EPB41: variants seen among roughly 807,000 people sequenced by gnomAD.
EPB41 encodes erythrocyte membrane protein band 4.1, also known as protein 4.1.
Under a neutral mutation model 108.0 loss-of-function variants are expected in EPB41, and 65 were observed. That is an observed-to-expected ratio of 0.60 (90% CI 0.49 to 0.74). The LOEUF (loss-of-function observed/expected upper bound fraction) is 0.74, where lower values mean the gene tolerates loss of function less well. Ranked by LOEUF, EPB41 falls within the 30% of genes least tolerant of loss-of-function variation. The pLI, the probability that EPB41 is intolerant of heterozygous loss-of-function variation, is 0.00. For synonymous variants in EPB41, 336 were observed against 358.9 expected (o/e 0.94, Z 0.72); for missense variants, 875 against 1,037.0 (o/e 0.84, Z 2.15).
chr1:29,033,012 A>G (rs2096809830), intron 8 of EPB41, 81 bp from the exon 9 acceptor site: 1 of 1,357,700 alleles, frequency 7.4e-7, no homozygotes, highest in Non-Finnish European at 1.0e-6. Context: ...TTTGGTTGTT[A>G]TCTTCAGATT....
chr1:28,960,074 A>G (rs1032213770), intron 1 of EPB41, among the ~76,000 whole-genome samples: 1 of 139,408 alleles, frequency 7.2e-6, no homozygotes, highest in Non-Finnish European at 1.5e-5. Flanking sequence ...ATCACTGCCC[A>G]CTGTAGCCTC....
In EPB41 at chr1:29,115,723, G is replaced by A. The variant is rs758576484; in HGVS notation, c.2521G>A (p.Ala841Thr). Residue 841 changes from alanine to threonine, a missense_variant, in exon 20 of 21, where the codon GCA (alanine) becomes ACA (threonine). Coordinates refer to ENST00000343067, the MANE Select transcript of EPB41 (RefSeq NM_001376013.1). This position sits in a 1 kb window ranked among gnomAD's most constrained non-coding sequence, Gnocchi z 4.4. The stretch of plus-strand genomic sequence containing the variant: ...GGTCCTTGTACAAGCCATCAAGGAG[G>A]CAAAGGAGCAGCACCCAGACATGTC... ...DQVLVQAIKEAKEQHPDMSVT... is the reference protein window; with the variant it reads ...DQVLVQAIKETKEQHPDMSVT... 1 of 1,614,088 alleles carries A rather than the reference G, an allele frequency of 6.2e-7. No homozygotes were observed. The highest frequency in any genetic ancestry group is 2.2e-5 in the East Asian group (1 of 44,874).
At chr1:29,035,291 TATTTCAAA>T (rs1639046437) in intron 9 of EPB41, among the ~76,000 whole-genome samples, 1 of 152,154 alleles carries the variant, frequency 6.6e-6, no homozygotes, top group South Asian at 2.1e-4. Context: ...CAGGTATACA[TATTTCAAA>T]ACAACATGTT....
chr1:28,954,897 T>C (rs567378976), intron 1 of EPB41, among the ~76,000 whole-genome samples: 1 of 152,370 alleles, frequency 6.6e-6, no homozygotes, highest in African/African-American at 2.4e-5. Context: ...ATAATTTTAA[T>C]AATTCTTGAT....
intron 16 of EPB41, among the ~76,000 whole-genome samples, chr1:29,084,765 G>A (rs1394211569): frequency 6.6e-6 from 1 of 152,136 alleles, no homozygotes; most frequent in African/African-American, 2.4e-5. Context: ...TTCTTCCTGA[G>A]GATCTTGGTT....
Position 29,056,221 on chromosome 1 carries a change from G to A in EPB41, c.1846-2368G>A, listed in dbSNP as rs1252379312. 2.1e-5 allele frequency among the ~76,000 whole-genome samples: 3 copies of A among 140,368 alleles called. 1 individual carries two copies. Among genetic ancestry groups the A allele is most frequent in the Non-Finnish European group, 4.5e-5 (3 of 66,124 alleles). 92.1% of individuals were successfully genotyped at this position (140,368 alleles called of 152,430 possible). ...TGCACTCCAGCCTGGGTGACAGAAC[G>A]AGACTCCGTCTCAAAAAAAAAAAAA... On this transcript the variant is annotated intron_variant, in intron 12 of 20. Coordinates refer to ENST00000343067, the MANE Select transcript of EPB41 (RefSeq NM_001376013.1).
At chr1:28,911,124 C>T, upstream of EPB41, 3 of 985,396 alleles carry the variant, frequency 3.0e-6, no homozygotes, top group African/African-American at 1.7e-5. Flanking sequence ...GTTTTTCCAC[C>T]TTCATATTAG....
chr1:29,092,506 C>G (rs187112407), intron 16 of EPB41, among the ~76,000 whole-genome samples: 50 of 152,304 alleles, frequency 3.3e-4, no homozygotes, highest in African/African-American at 1.2e-3. Context: ...TGAGCACATG[C>G]AGATGTCACT....
chr1:29,082,404 G>A lies in EPB41; in HGVS notation c.2185-15403G>A, dbSNP rs141083063. ...CTCCCAAAGTGCTGGGATTACAGGC[G>A]TGAGCCACTGGGCCTAACCTCAAGG... On this transcript the variant is annotated intron_variant, in intron 16 of 20. Coordinates refer to ENST00000343067, the MANE Select transcript of EPB41 (RefSeq NM_001376013.1). Among the ~76,000 whole-genome samples the A allele has an allele frequency of 1.6e-3, 243 of 152,326 alleles. 1 individual carries two copies. The highest frequency in any genetic ancestry group is 5.5e-3 in the African/African-American group (230 of 41,580).
At chr1:28,978,745 T>C (rs986058833) in intron 1 of EPB41, among the ~76,000 whole-genome samples, 4 of 151,410 alleles carry the variant, frequency 2.6e-5, no homozygotes, top group African/African-American at 9.8e-5. Context: ...GACACGTGTC[T>C]CTGACAGCTG....
chr1:29,096,279 C>T (rs1052611805), intron 16 of EPB41: 39 of 985,728 alleles, frequency 4.0e-5, no homozygotes, highest in Non-Finnish European at 4.5e-5. Flanking sequence ...ATGACCACCT[C>T]GTCGGAGTCT....
chr1:28,927,227 A>G (rs61383577), intron 1 of EPB41, among the ~76,000 whole-genome samples: 19,267 of 152,276 alleles, frequency 0.13, 1,503 homozygotes, highest in East Asian at 0.37. Context: ...TAAAATAGCA[A>G]GTGATTTTGC....
upstream of EPB41, among the ~76,000 whole-genome samples, chr1:28,909,604 T>C (rs1190068500): frequency 6.6e-6 from 1 of 152,074 alleles, no homozygotes; most frequent in East Asian, 1.9e-4. Context: ...AAGACTAGTC[T>C]CCACAACATA....
intron 1 of EPB41, among the ~76,000 whole-genome samples, chr1:28,908,899 A>C (rs1187728517): frequency 2.0e-5 from 3 of 151,412 alleles, no homozygotes; most frequent in Non-Finnish European, 4.4e-5. Flanking sequence ...CTGGTGGCTC[A>C]TGACTGTAAT....
At chr1:28,941,787 C>T (rs1017587755) in intron 1 of EPB41, among the ~76,000 whole-genome samples, 14 of 149,372 alleles carry the variant, frequency 9.4e-5, no homozygotes, top group African/African-American at 3.4e-4. Context: ...CCCAGCTACT[C>T]GGAAGCTGAG....
chr1:28,975,847 A>G lies in EPB41; in HGVS notation c.-7-11584A>G, dbSNP rs1050889943. ...GCCGGGCATGGTGGCGGGCTGAGGC[A>G]GGAGAATGGCGTGAACCCGGGAGGC... On this transcript the variant is annotated intron_variant, in intron 1 of 20. Transcript: ENST00000343067. Among the ~76,000 whole-genome samples the G allele has an allele frequency of 1.3e-5, 2 of 148,186 alleles. 1 individual carries two copies. The highest frequency in any genetic ancestry group is 3.0e-5 in the Non-Finnish European group (2 of 67,314).
Position 28,887,311 on chromosome 1 carries a change from G to T in EPB41, c.-8+101G>T. 8.3e-7 allele frequency: 1 copy of T among 1,208,968 alleles called. No homozygotes were observed. Among genetic ancestry groups the T allele is most frequent in the Non-Finnish European group, 1.1e-6 (1 of 950,510 alleles). The allele number at this position is 1,208,968 out of a possible 1,614,324, so 74.9% of individuals were successfully genotyped here. ...AAGGGCTCGGACCGTCCCGGGAGAG[G>T]CGAGACCAGGGTCGAAGGGTCCAGG... On this transcript the variant is annotated intron_variant, in intron 1 of 16. Transcript: ENST00000347529. This position sits in a 1 kb window ranked among gnomAD's most constrained non-coding sequence, Gnocchi z 4.9.
chr1:28,998,355 T>A (rs999190395), intron 4 of EPB41, among the ~76,000 whole-genome samples: 10 of 152,206 alleles, frequency 6.6e-5, no homozygotes, highest in African/African-American at 2.4e-4. Context: ...CAGATGAATC[T>A]GGACAGGTAT....
chr1:29,036,570 AT>A (rs1194968053), intron 10 of EPB41, among the ~76,000 whole-genome samples: 1 of 145,858 alleles, frequency 6.9e-6, no homozygotes, highest in African/African-American at 2.5e-5. Flanking sequence ...CGGAATTTTT[AT>A]TTTTTTGTTT....
Sources: gnomAD v4.1 joint callset for allele counts (sites outside exome capture counted in the v4.1 genomes callset) on GRCh38, gnomAD v4.1.1 for gene constraint, Gnocchi (gnomAD v3.1) non-coding constraint, MANE v1.5 for transcripts, NCBI Gene and HGNC (gene_info 2026-07-23, HGNC 2026-07-21) for gene names.